Variants in XPO4 observed in about 807,000 individuals in gnomAD.
XPO4 encodes the protein exportin-4.
A neutral mutation model predicts 143.0 loss-of-function variants in XPO4; 39 were observed. The observed-to-expected ratio is 0.27, with a 90% CI of 0.21 to 0.36. XPO4 has a LOEUF of 0.36. Ranked by LOEUF, XPO4 falls within the 10% of genes least tolerant of loss-of-function variation. The probability of loss-of-function intolerance (pLI) is 1.00; values close to 1 mark genes in which losing one functional copy is unlikely to be tolerated. For missense variants in XPO4, 907 were observed against 1,348.0 expected (o/e 0.67, Z 5.12); for synonymous variants, 439 against 474.0 (o/e 0.93, Z 0.96).
chr13:20,838,433 C>A (rs1274461958), intron 6 of XPO4, among the ~76,000 whole-genome samples: 3 of 151,504 alleles, frequency 2.0e-5, no homozygotes, highest in African/African-American at 7.3e-5. Context: ...CAGGGTGAAA[C>A]CCTGTTTCTA....
At chr13:20,862,011 T>C (rs1378496758) in intron 3 of XPO4, among the ~76,000 whole-genome samples, 2 of 151,950 alleles carry the variant, frequency 1.3e-5, no homozygotes, top group Non-Finnish European at 2.9e-5. Context: ...ATCGTCTTGA[T>C]CTCTTGACCT....
At chr13:20,847,352 G>C (rs1490848296) in intron 4 of XPO4, among the ~76,000 whole-genome samples, 1 of 152,076 alleles carries the variant, frequency 6.6e-6, no homozygotes. Context: ...TTAAAATGAA[G>C]TTACTCTCAC....
In XPO4 at chr13:20,868,434, G is replaced by C. The variant is rs374237065; in HGVS notation, c.175+162C>G. 7.2e-5 allele frequency: 82 copies of C among 1,135,762 alleles called. 2 individuals are homozygous for C. The East Asian group carries it at 7.4e-4, about 10-fold the overall frequency. The allele number at this position is 1,135,762 out of a possible 1,614,324, so 70.4% of individuals were successfully genotyped here. On this transcript the variant is annotated intron_variant, in intron 2 of 22. Coordinates refer to ENST00000255305, the MANE Select transcript of XPO4 (RefSeq NM_022459.5). ...ACAAAGTTTCCCGTCTGGCTTTACA[G>C]AATATCTTTAAAGCTACTCCAGTAG... is the stretch of plus-strand genomic sequence containing the variant.
chr13:20,889,919 GATTT>G (rs1194520681), intron 1 of XPO4, among the ~76,000 whole-genome samples: 2 of 152,246 alleles, frequency 1.3e-5, no homozygotes, highest in South Asian at 2.1e-4. Flanking sequence ...AAATGAAAAT[GATTT>G]ATAACTACAA....
At chr13:20,827,040 C>T (rs1206822523) in intron 7 of XPO4, 27 bp downstream of exon 7, 1 of 1,491,426 alleles carries the variant, frequency 6.7e-7, no homozygotes, top group East Asian at 2.3e-5. Context: ...ATGGCTCTTG[C>T]TACCAGAGAT....
chr13:20,850,997 T>C (rs1035257880), intron 4 of XPO4: 1 of 985,172 alleles, frequency 1.0e-6, no homozygotes, highest in African/African-American at 1.7e-5. Flanking sequence ...AAAGTCACCT[T>C]TATAAAGAAA....
chr13:20,864,620 T>A (rs771864152), intron 2 of XPO4, among the ~76,000 whole-genome samples: 1 of 152,206 alleles, frequency 6.6e-6, no homozygotes, highest in Non-Finnish European at 1.5e-5. Flanking sequence ...CCACTGAAGA[T>A]AGAGCGAATA....
At chr13:20,794,906 C>T (rs1182858727) in intron 18 of XPO4, among the ~76,000 whole-genome samples, 1 of 140,010 alleles carries the variant, frequency 7.1e-6, no homozygotes, top group Admixed American at 7.1e-5. Flanking sequence ...CCTTGGTACC[C>T]CTAGTTAACT....
intron 9 of XPO4, among the ~76,000 whole-genome samples, chr13:20,820,619 A>G (rs2059706651): frequency 6.6e-6 from 1 of 152,244 alleles, no homozygotes; most frequent in Non-Finnish European, 1.5e-5. Context: ...TTTAGAATGT[A>G]AAGTATCCCT....
In XPO4 at chr13:20,898,866, T is replaced by C. The variant is rs74680579; in HGVS notation, c.69+3804A>G. Reference sequence around the variant, plus strand: ...GAGGATGTGCATAGGTCATACACAATTACCATACCATATCATGTAAGAAAC... The same window carrying C: ...GAGGATGTGCATAGGTCATACACAACTACCATACCATATCATGTAAGAAAC... On this transcript the variant is annotated intron_variant, in intron 1 of 22. Coordinates refer to ENST00000255305, the MANE Select transcript of XPO4 (RefSeq NM_022459.5). Among the ~76,000 whole-genome samples, 1,465 of 152,254 alleles carry C rather than the reference T, an allele frequency of 9.6e-3. 25 individuals are homozygous for C. Among genetic ancestry groups the C allele is most frequent in the African/African-American group, 0.034 (1,412 of 41,560 alleles).
intron 6 of XPO4, among the ~76,000 whole-genome samples, chr13:20,835,581 T>A (rs1431569958): frequency 1.3e-5 from 2 of 152,166 alleles, no homozygotes; most frequent in Non-Finnish European, 2.9e-5. Flanking sequence ...ACTTCTCCCC[T>A]CAAGCAATAA....
chr13:20,785,669 G>GA (rs758292471), intron 22 of XPO4, among the ~76,000 whole-genome samples: 3,292 of 127,546 alleles, frequency 0.026, 118 homozygotes, highest in African/African-American at 0.084. Flanking sequence ...CCCTGTCTCA[G>GA]AAAAAAAAAA....
intron 18 of XPO4, among the ~76,000 whole-genome samples, chr13:20,794,008 T>G (rs2059321799): frequency 1.3e-5 from 2 of 152,280 alleles, no homozygotes; most frequent in South Asian, 2.1e-4. Flanking sequence ...AGATGGAAGA[T>G]TCTAAAAACT....
intron 1 of XPO4, among the ~76,000 whole-genome samples, chr13:20,881,467 TC>T (rs2060409130): frequency 6.6e-6 from 1 of 152,022 alleles, no homozygotes; most frequent in African/African-American, 2.4e-5. Context: ...AGACGGGGTT[TC>T]ACTGTGTTAG....
chr13:20,868,790 C>G (rs937191040), intron 1 of XPO4, 89 bp from the exon 2 acceptor site: 5 of 1,273,708 alleles, frequency 3.9e-6, no homozygotes, highest in African/African-American at 1.5e-5. Context: ...ACAGAAAATG[C>G]CTTCACTTTT....
At chr13:20,870,257 C>T (rs921193615) in intron 1 of XPO4, among the ~76,000 whole-genome samples, 5 of 149,610 alleles carry the variant, frequency 3.3e-5, no homozygotes, top group South Asian at 2.1e-4. Flanking sequence ...GTGAAACCCC[C>T]GTCTCTACTA....
intron 3 of XPO4, 81 bp downstream of exon 3, chr13:20,862,635 TA>T (rs2060212388): frequency 1.9e-6 from 3 of 1,574,598 alleles, no homozygotes; most frequent in Non-Finnish European, 2.6e-6. Context: ...CAAAAGTTTT[TA>T]AAATGCAAAC....
chr13:20,893,640 C>T (rs2060540165), intron 1 of XPO4, among the ~76,000 whole-genome samples: 1 of 151,824 alleles, frequency 6.6e-6, no homozygotes, highest in Non-Finnish European at 1.5e-5. Context: ...CCTGTAATCC[C>T]AGGAACACAG....
intron 9 of XPO4, among the ~76,000 whole-genome samples, chr13:20,812,587 C>A (rs753409142): frequency 2.6e-5 from 4 of 151,462 alleles, no homozygotes; most frequent in Non-Finnish European, 5.9e-5. Context: ...GTTCATCAAA[C>A]AATATGATGA....
Sources: gnomAD v4.1 joint callset for allele counts (sites outside exome capture counted in the v4.1 genomes callset) on GRCh38, gnomAD v4.1.1 for gene constraint, MANE v1.5 for transcripts, NCBI Gene and HGNC (gene_info 2026-07-23, HGNC 2026-07-21) for gene names.